TRIM17: variants seen among roughly 807,000 people sequenced by gnomAD.
The protein encoded by TRIM17 is tripartite motif containing 17.
A neutral mutation model predicts 35.8 loss-of-function variants in TRIM17; 27 were observed. The observed-to-expected ratio is 0.75, with a 90% CI of 0.56 to 1.04. The LOEUF is 1.04. Ranked by LOEUF, TRIM17 falls within the 50% of genes least tolerant of loss-of-function variation. The pLI is 0.00. For missense variants in TRIM17, 582 were observed against 612.8 expected (o/e 0.95, Z 0.53); for synonymous variants, 246 against 252.6 (o/e 0.97, Z 0.25).
At position 228,408,947 on chromosome 1, in the gene TRIM17, C is replaced by G; in HGVS notation, c.884-196G>C. The G allele has an allele frequency of 6.7e-7, 1 of 1,502,686 alleles. No homozygotes were observed. The highest frequency in any genetic ancestry group is 2.5e-5 in the East Asian group (1 of 40,558). 93.1% of individuals were successfully genotyped at this position (1,502,686 alleles called of 1,614,324 possible). On this transcript the variant is annotated intron_variant, in intron 6 of 6. Transcript: ENST00000366698. This position sits in a 1 kb window ranked among gnomAD's most constrained non-coding sequence, Gnocchi z 6.3. The stretch of plus-strand genomic sequence containing the variant: ...TGTGGGCCTTGGTGGCAATAAGGTA[C>G]AGGGGGCTGGGCAGAGAGACCACTG...
rs887011766 is a variant in TRIM17, at chr1:228,408,530, C to T, written c.1105G>A (p.Val369Met). 2 of 1,614,142 alleles carry T rather than the reference C, an allele frequency of 1.2e-6. No homozygotes were observed. Among genetic ancestry groups the T allele is most frequent in the Admixed American group, 1.7e-5 (1 of 60,020 alleles). ...ITGDALWALG[V>M]CRDNVSRKDR... Reference sequence around the variant, plus strand: ...TTCCGGCTCACGTTGTCCCTGCACACACCCAGGGCCCACAACGCGTCCCCG... The same window carrying T: ...TTCCGGCTCACGTTGTCCCTGCACATACCCAGGGCCCACAACGCGTCCCCG... The change falls in exon 7 of 7, where the codon GTG (valine) becomes ATG (methionine). Residue 369 changes from valine to methionine, a missense_variant. By Grantham distance (21) the Val-to-Met change is conservative. Transcript: ENST00000366698. This position sits in a 1 kb window ranked among gnomAD's most constrained non-coding sequence, Gnocchi z 6.3.
rs1657018727 is a variant in TRIM17, at chr1:228,415,030, T to C, written c.43A>G (p.Thr15Ala). 4 of 1,609,884 alleles carry C rather than the reference T, an allele frequency of 2.5e-6. No individual in the cohort carries two copies. The highest frequency in any genetic ancestry group is 3.4e-6 in the Non-Finnish European group (4 of 1,177,462). The change falls in exon 2 of 7, where the codon ACG becomes GCG. Residue 15 changes from threonine (T) to alanine (A), a missense_variant. Thr to Ala is a moderately conservative substitution (Grantham distance 58). Coordinates refer to ENST00000366698, the MANE Select transcript of TRIM17 (RefSeq NM_016102.4). ...ELARKLQEEA[T>A]CSICLDYFTD... ...AAGTAATCCAGACAGATGGAGCACG[T>C]AGCTTCCTCCTGCAGTTTTCTGGCG...
At chr1:228,413,285 G>GA (rs1208927289) in intron 3 of TRIM17, among the ~76,000 whole-genome samples, 6 of 150,728 alleles carry the variant, frequency 4.0e-5, no homozygotes, top group Admixed American at 4.0e-4. Context: ...ATCTATACCA[G>GA]AAAGAGAGTT....
At chr1:228,416,328 C>T (rs1657122358) in intron 1 of TRIM17, 12 of 985,462 alleles carry the variant, frequency 1.2e-5, no homozygotes, top group Non-Finnish European at 1.4e-5. Context: ...GGCTCTGGCT[C>T]TGGCTGCCGG....
At chr1:228,412,721 G>C (rs1023310642) in intron 3 of TRIM17, among the ~76,000 whole-genome samples, 1 of 149,950 alleles carries the variant, frequency 6.7e-6, no homozygotes, top group Non-Finnish European at 1.5e-5. Context: ...AGTGAGCTAT[G>C]ATTGCATCAC....
chr1:228,415,119 G>T lies in TRIM17; in HGVS notation c.-41-6C>A. 4 of 1,554,210 alleles carry T rather than the reference G, an allele frequency of 2.6e-6. No homozygotes were observed. The highest frequency in any genetic ancestry group is 2.6e-6 in the Non-Finnish European group (3 of 1,148,642). On this transcript the variant is annotated splice_region_variant and splice_polypyrimidine_tract_variant and intron_variant, in intron 1 of 6. Coordinates refer to ENST00000366698, the MANE Select transcript of TRIM17 (RefSeq NM_016102.4). ...AGGTTCCCGCTTGAGGGACTCTGGA[G>T]AGAGTTGGAGGGAGCAGCCCGATGA...
chr1:228,411,670 A>C lies in TRIM17; in HGVS notation c.526-494T>G, dbSNP rs559058027. ...GGGACAGGGTCTTGCTCTGTTGCCC[A>C]GGCTGGAGTGCAATGGCACAACCAC... On this transcript the variant is annotated intron_variant, in intron 3 of 6. Coordinates refer to ENST00000366698, the MANE Select transcript of TRIM17 (RefSeq NM_016102.4). The surrounding 1 kb of genome is among the most constrained non-coding windows in gnomAD (Gnocchi z 4.2). 1.3e-5 allele frequency among the ~76,000 whole-genome samples: 2 copies of C among 152,186 alleles called. No individual in the cohort carries two copies. Among genetic ancestry groups the C allele is most frequent in the African/African-American group, 2.4e-5 (1 of 41,440 alleles).
In TRIM17 at chr1:228,416,645, C is replaced by T. The variant is rs1657155233; in HGVS notation, c.-148G>A. 1.4e-5 allele frequency: 13 copies of T among 931,106 alleles called. No homozygotes were observed. The highest frequency in any genetic ancestry group is 1.6e-5 in the Non-Finnish European group (13 of 811,116). The allele number at this position is 931,106 out of a possible 1,614,324, so 57.7% of individuals were successfully genotyped here. On this transcript the variant is annotated 5_prime_UTR_variant, in exon 1 of 7. Transcript: ENST00000366698. Reference sequence around the variant, plus strand: ...AAGCCCAGGAGGCTGCGGCCCGGCCCGGGGCGTGGGGACCTGGGGTCGGGA... The same window carrying T: ...AAGCCCAGGAGGCTGCGGCCCGGCCTGGGGCGTGGGGACCTGGGGTCGGGA...
At position 228,409,152 on chromosome 1, in the gene TRIM17, G is replaced by A. The variant is rs764819283; in HGVS notation, c.883+20C>T. ...CAAGAGATCCTGGGTCAGAGGTCCT[G>A]GCCCTGGGTGCCCACTTACCTAGAA... On this transcript the variant is annotated intron_variant, in intron 6 of 6. Transcript: ENST00000366698. 2.5e-6 allele frequency: 4 copies of A among 1,613,934 alleles called. No homozygotes were observed. The East Asian group carries it at 6.7e-5, about 27-fold the overall frequency.
At position 228,408,775 on chromosome 1, in the gene TRIM17, G is replaced by T; in HGVS notation, c.884-24C>A. On this transcript the variant is annotated intron_variant, in intron 6 of 6. Coordinates refer to ENST00000366698, the MANE Select transcript of TRIM17 (RefSeq NM_016102.4). The surrounding 1 kb of genome is among the most constrained non-coding windows in gnomAD (Gnocchi z 6.3). The stretch of plus-strand genomic sequence containing the variant: ...CTCTGTAGATGGGCGTGGTGGTGGA[G>T]AGATGGGGAGAGGTGTGGGGCATTC... The T allele has an allele frequency of 6.3e-7, 1 of 1,587,214 alleles. No individual in the cohort carries two copies. The highest frequency in any genetic ancestry group is 2.2e-5 in the East Asian group (1 of 44,750).
rs373893884 is a variant in TRIM17 at position 228,413,842 on chromosome 1, T to C, written c.480A>G (p.Thr160=). The change falls in exon 3 of 7, where the codon ACA becomes ACG. Residue 160 remains threonine, a synonymous_variant. Transcript: ENST00000366698. ...GCTCCTCCCTGGCCTGCAGATTCCC[T>C]GTCCTGGTGATCTGCTCCCGAAGGT... ...MEYLREQITR[T]GNLQAREEQS... 24 of 1,614,212 alleles carry C rather than the reference T, an allele frequency of 1.5e-5. No individual in the cohort carries two copies. In the African/African-American group the frequency reaches 2.9e-4, roughly 20 times the overall value.
In TRIM17 at chr1:228,413,819, T is replaced by A. The variant is rs1032652979; in HGVS notation, c.503A>T (p.Glu168Val). 3 of 1,614,024 alleles carry A rather than the reference T, an allele frequency of 1.9e-6. No individual in the cohort carries two copies. The highest frequency in any genetic ancestry group is 2.5e-6 in the Non-Finnish European group (3 of 1,180,012). The stretch of plus-strand genomic sequence containing the variant: ...CACCTGCCACTCGGCTAAGCTCTGC[T>A]CCTCCCTGGCCTGCAGATTCCCTGT... ...TRTGNLQARE[E>V]QSLAEWQGKV... is the part of the protein sequence containing the mutation. The change falls in exon 3 of 7, where the codon GAG becomes GTG. Residue 168 changes from glutamate (E) to valine (V), a missense_variant. Glu to Val is a moderately radical substitution (Grantham distance 121). Coordinates refer to ENST00000366698, the MANE Select transcript of TRIM17 (RefSeq NM_016102.4).
At position 228,410,336 on chromosome 1, in the gene TRIM17, G is replaced by T. The variant is rs1558455221; in HGVS notation, c.756+610C>A. Among the ~76,000 whole-genome samples the T allele has an allele frequency of 6.6e-6, 1 of 151,984 alleles. No individual in the cohort carries two copies. The highest frequency in any genetic ancestry group is 1.5e-5 in the Non-Finnish European group (1 of 67,986). On this transcript the variant is annotated intron_variant, in intron 4 of 6. Coordinates refer to ENST00000366698, the MANE Select transcript of TRIM17 (RefSeq NM_016102.4). The surrounding 1 kb of genome is among the most constrained non-coding windows in gnomAD (Gnocchi z 4.6). The stretch of plus-strand genomic sequence containing the variant: ...CCCTCTCCAGGGCCATGGCACACAG[G>T]CTGGTCCCGGCAGACAGGCTGGCTG...
intron 3 of TRIM17, among the ~76,000 whole-genome samples, chr1:228,413,401 T>C (rs1656893619): frequency 6.6e-6 from 1 of 151,954 alleles, no homozygotes; most frequent in Admixed American, 6.6e-5. Flanking sequence ...GGTGCTGACC[T>C]ACGCCCCTGC....
intron 3 of TRIM17, among the ~76,000 whole-genome samples, chr1:228,412,675 C>T (rs1558457330): frequency 1.4e-5 from 2 of 146,382 alleles, no homozygotes; most frequent in South Asian, 4.4e-4. Context: ...GAGGTTGAAG[C>T]AGGAGGATCA....
rs996392612 is a variant in TRIM17, at chr1:228,411,039, G to A, written c.663C>T (p.Ser221=). 5 of 1,613,368 alleles carry A rather than the reference G, an allele frequency of 3.1e-6. No homozygotes were observed. The highest frequency in any genetic ancestry group is 2.2e-5 in the East Asian group (1 of 44,892). ...EEETASRLRE[S]VACLDRQGHS... ...GACCCTGCCGGTCCAGGCAGGCCACGCTCTCCCGGAGCCTGCTGGCAGTCT... is the reference window on the plus strand; with the variant it reads ...GACCCTGCCGGTCCAGGCAGGCCACACTCTCCCGGAGCCTGCTGGCAGTCT... Residue 221 remains serine (S), a synonymous_variant, in exon 4 of 7, where the codon AGC becomes AGT. Transcript: ENST00000366698. This position sits in a 1 kb window ranked among gnomAD's most constrained non-coding sequence, Gnocchi z 4.2.
rs769444776 is a variant in TRIM17 at position 228,414,843 on chromosome 1, T to G, written c.230A>C (p.Asn77Thr). The change falls in exon 2 of 7, where the codon AAC (asparagine) becomes ACC (threonine). Residue 77 changes from asparagine (N) to threonine (T), a missense_variant. Physicochemically the swap from Asn to Thr is moderately conservative, Grantham distance 65. Transcript: ENST00000366698. ...EMSPQRNLLP[N>T]RLLTKVAEMA... ...CTCGGCCACCTTGGTCAGCAGCCGGTTGGGCAGCAGGTTCCTCTGCGGGGA... is the reference window on the plus strand; with the variant it reads ...CTCGGCCACCTTGGTCAGCAGCCGGGTGGGCAGCAGGTTCCTCTGCGGGGA... The G allele has an allele frequency of 1.2e-6, 2 of 1,613,454 alleles. No homozygotes were observed. Among genetic ancestry groups the G allele is most frequent in the African/African-American group, 2.7e-5 (2 of 74,924 alleles).
chr1:228,408,066 A>G lies in TRIM17; in HGVS notation c.*135T>C, dbSNP rs956356025. ...CAGTTCTAATCACAATTATATTTAG[A>G]ATTTGAGAAACCCCCCTGTGTGTCT... is the stretch of plus-strand genomic sequence containing the variant. On this transcript the variant is annotated 3_prime_UTR_variant, in exon 7 of 7. Coordinates refer to ENST00000366698, the MANE Select transcript of TRIM17 (RefSeq NM_016102.4). The surrounding 1 kb of genome is among the most constrained non-coding windows in gnomAD (Gnocchi z 6.3). 12 of 777,130 alleles carry G rather than the reference A, an allele frequency of 1.5e-5. No homozygotes were observed. Among genetic ancestry groups the G allele is most frequent in the East Asian group, 1.3e-4 (5 of 38,396 alleles). 48.1% of individuals were successfully genotyped at this position (777,130 alleles called of 1,614,324 possible).
At position 228,408,719 on chromosome 1, in the gene TRIM17, G is replaced by A; in HGVS notation, c.916C>T (p.Pro306Ser). Residue 306 changes from proline (P) to serine (S), a missense_variant, in exon 7 of 7, where the codon CCC becomes TCC. Physicochemically the swap from Pro to Ser is moderately conservative, Grantham distance 74. Transcript: ENST00000366698. The surrounding 1 kb of genome is among the most constrained non-coding windows in gnomAD (Gnocchi z 6.3). ...DVVPDATSAYPYLLLYESRQR... is the reference protein window; with the variant it reads ...DVVPDATSAYSYLLLYESRQR... ...CGGCTCTCATACAGGAGGAGGTAGG[G>A]GTACGCGGAGGTGGCATCAGGCACC... is the stretch of plus-strand genomic sequence containing the variant. 1 of 1,603,768 alleles carries A rather than the reference G, an allele frequency of 6.2e-7. No individual in the cohort carries two copies.
Sources: gnomAD v4.1 joint callset for allele counts (sites outside exome capture counted in the v4.1 genomes callset) on GRCh38, gnomAD v4.1.1 for gene constraint, Gnocchi (gnomAD v3.1) non-coding constraint, MANE v1.5 for transcripts, NCBI Gene and HGNC (gene_info 2026-07-23, HGNC 2026-07-21) for gene names.